Variants in SUB1 observed in about 807,000 individuals in gnomAD.
SUB1 encodes the protein SUB1 regulator of transcription.
SUB1 carries 1 observed loss-of-function variant against 16.9 expected under a neutral mutation model. The observed-to-expected ratio is 0.06, with a 90% CI of 0.02 to 0.28. The LOEUF (loss-of-function observed/expected upper bound fraction) is 0.28, where lower values mean the gene tolerates loss of function less well. Among genes scored for constraint, SUB1 ranks in the 10% least tolerant of loss-of-function variants. SUB1 has a pLI of 1.00. For synonymous variants in SUB1, 51 were observed against 46.9 expected, an observed-to-expected ratio of 1.09 and a Z score of -0.36; for missense variants, 84 against 145.2, an observed-to-expected ratio of 0.58 and a Z score of 2.16.
chr5:32,592,309 GGAAGCA>G (rs1738847956), intron 3 of SUB1, among the ~76,000 whole-genome samples: 1 of 151,428 alleles, frequency 6.6e-6, no homozygotes, highest in Non-Finnish European at 1.5e-5. Flanking sequence ...TTATGGGACA[GGAAGCA>G]GCAATGTGAC....
chr5:32,591,781 A>G (rs760098086), intron 3 of SUB1, 96 bp downstream of exon 3: 10 of 1,364,662 alleles, frequency 7.3e-6, no homozygotes, highest in Non-Finnish European at 7.7e-6. Flanking sequence ...GCTCACTGCA[A>G]CCTCAGCCTC....
rs1202411135 is a variant in SUB1, at chr5:32,602,068, C to T, written c.*984C>T. On this transcript the variant is annotated 3_prime_UTR_variant, in exon 5 of 5. Transcript: ENST00000265073. Reference sequence around the variant, plus strand: ...TATGGTTAGTTTGTAGGGAAAAGAGCATATGAGCACATGCTTGTGTATTTT... The same window carrying T: ...TATGGTTAGTTTGTAGGGAAAAGAGTATATGAGCACATGCTTGTGTATTTT... The T allele has an allele frequency of 3.4e-6, 1 of 298,142 alleles. No homozygotes were observed. Among genetic ancestry groups the T allele is most frequent in the Non-Finnish European group, 6.7e-6 (1 of 148,914 alleles). 18.5% of individuals were successfully genotyped at this position (298,142 alleles called of 1,614,324 possible). A position where few individuals can be genotyped will look rare whatever the true frequency, so the allele number is the denominator to read the frequency against.
At chr5:32,592,378 TA>T (rs140516937) in intron 3 of SUB1, among the ~76,000 whole-genome samples, 1 of 152,172 alleles carries the variant, frequency 6.6e-6, no homozygotes, top group Non-Finnish European at 1.5e-5. Flanking sequence ...GTTGAATAGA[TA>T]AAGTGAAGGA....
At chr5:32,588,816 T>A (rs1738741639) in intron 2 of SUB1, among the ~76,000 whole-genome samples, 2 of 151,946 alleles carry the variant, frequency 1.3e-5, no homozygotes, top group South Asian at 2.1e-4. Context: ...TTTAAAAAAA[T>A]AAATAAATAA....
chr5:32,598,948 GTTTC>G lies in SUB1; in HGVS notation c.196-9_196-6del, dbSNP rs767257547. 4.4e-6 allele frequency: 7 copies of G among 1,599,678 alleles called. No homozygotes were observed. In the Admixed American group the frequency reaches 1.2e-4, roughly 28 times the overall value. Reference sequence around the variant, plus strand: ...GAAAGGAGCACCTCTTTTTATGTTTGTTTCTTTTGCAGATTGGGAAAATGAGGTA... The same window carrying G: ...GAAAGGAGCACCTCTTTTTATGTTTGTTTTGCAGATTGGGAAAATGAGGTA... On this transcript the variant is annotated splice_polypyrimidine_tract_variant and intron_variant, in intron 3 of 4. Transcript: ENST00000265073.
chr5:32,586,362 C>G, intron 1 of SUB1: 1 of 152,204 alleles, frequency 6.6e-6, no homozygotes, highest in Non-Finnish European at 1.5e-5. Flanking sequence ...ATCTTTCCCT[C>G]AATCAGCAAA....
intron 2 of SUB1, 151 bp from the exon 3 acceptor site, chr5:32,591,412 T>A (rs1441655243): frequency 2.8e-6 from 3 of 1,073,824 alleles, no homozygotes; most frequent in Non-Finnish European, 3.8e-6. Flanking sequence ...ATTCATAGTT[T>A]TGTTGTTGAG....
Position 32,601,497 on chromosome 5 carries a change from C to T in SUB1, c.*413C>T, listed in dbSNP as rs1402773000. 6.4e-6 allele frequency: 1 copy of T among 157,106 alleles called. No individual in the cohort carries two copies. Among genetic ancestry groups the T allele is most frequent in the African/African-American group, 2.4e-5 (1 of 41,490 alleles). 9.7% of individuals were successfully genotyped at this position (157,106 alleles called of 1,614,324 possible). ...GTGAACTTCATATTTGATCTTTTCT[C>T]TTCCAATCAAATGTCTAGGCTTGTT... On this transcript the variant is annotated 3_prime_UTR_variant, in exon 5 of 5. Coordinates refer to ENST00000265073, the MANE Select transcript of SUB1 (RefSeq NM_006713.4).
At chr5:32,594,270 G>A (rs1159313533) in intron 3 of SUB1, among the ~76,000 whole-genome samples, 1 of 152,100 alleles carries the variant, frequency 6.6e-6, no homozygotes, top group Non-Finnish European at 1.5e-5. Flanking sequence ...TTCTTCCATA[G>A]GGATGTAGTC....
At chr5:32,599,994 CAT>C (rs1739076685) in intron 4 of SUB1, among the ~76,000 whole-genome samples, 1 of 152,174 alleles carries the variant, frequency 6.6e-6, no homozygotes, top group African/African-American at 2.4e-5. Flanking sequence ...ACTGGAAAGA[CAT>C]ATCTCACATT....
At chr5:32,596,634 A>G (rs921247503) in intron 3 of SUB1, 4 of 152,154 alleles carry the variant, frequency 2.6e-5, no homozygotes, top group Non-Finnish European at 4.4e-5. Flanking sequence ...TTTCAACACC[A>G]TTTGTTGAAA....
At chr5:32,599,266 T>C (rs1230025642) in intron 4 of SUB1, among the ~76,000 whole-genome samples, 197 bp downstream of exon 4, 1 of 152,178 alleles carries the variant, frequency 6.6e-6, no homozygotes, top group Non-Finnish European at 1.5e-5. Context: ...CTTTTGGGAA[T>C]AAAACCCAGA....
intron 3 of SUB1, 114 bp downstream of exon 3, chr5:32,591,799 C>G (rs1299965854): frequency 1.6e-6 from 2 of 1,255,780 alleles, no homozygotes; most frequent in African/African-American, 3.1e-5. Context: ...CTCCTGAGTT[C>G]AAGCAGTTCT....
In SUB1 at chr5:32,601,562, C is replaced by T. The variant is rs935194347; in HGVS notation, c.*478C>T. On this transcript the variant is annotated 3_prime_UTR_variant, in exon 5 of 5. Coordinates refer to ENST00000265073, the MANE Select transcript of SUB1 (RefSeq NM_006713.4). ...AATGGTTTTTCACTCTTTTTATTTACTTCATTTTCCTTTAATAACTTAATC... is the reference window on the plus strand; with the variant it reads ...AATGGTTTTTCACTCTTTTTATTTATTTCATTTTCCTTTAATAACTTAATC... 1.3e-5 allele frequency: 2 copies of T among 153,106 alleles called. No individual in the cohort carries two copies. The highest frequency in any genetic ancestry group is 4.8e-5 in the African/African-American group (2 of 41,564). The allele number at this position is 153,106 out of a possible 1,614,324, so 9.5% of individuals were successfully genotyped here.
rs70961652 is a variant in SUB1 at position 32,590,762 on chromosome 5, A to ATTTTT, written c.73-782_73-778dup. ...AGGCGTGTGCCACCACGCCTGGCTA[A>ATTTTT]TTTTTTTTTTTTTTTTTTTTTTTGA... On this transcript the variant is annotated intron_variant, in intron 2 of 4. Coordinates refer to ENST00000265073, the MANE Select transcript of SUB1 (RefSeq NM_006713.4). 2.8e-3 allele frequency among the ~76,000 whole-genome samples: 94 copies of ATTTTT among 33,966 alleles called. 14 individuals carry two copies. Among genetic ancestry groups the ATTTTT allele is most frequent in the African/African-American group, 9.1e-3 (85 of 9,368 alleles). 22.3% of individuals were successfully genotyped at this position (33,966 alleles called of 152,430 possible).
intron 1 of SUB1, among the ~76,000 whole-genome samples, chr5:32,586,972 T>C (rs1193128937): frequency 6.6e-6 from 1 of 152,254 alleles, no homozygotes; most frequent in African/African-American, 2.4e-5. Flanking sequence ...AAGTTTCATC[T>C]AGAGAGCTAG....
rs1383124899 is a variant in SUB1, at chr5:32,588,365, T to C, written c.-1-147T>C. The C allele has an allele frequency of 9.2e-6, 6 of 653,376 alleles. No individual in the cohort carries two copies. The East Asian group carries it at 1.7e-4, about 18-fold the overall frequency. The allele number at this position is 653,376 out of a possible 1,614,324, so 40.5% of individuals were successfully genotyped here. A position where few individuals can be genotyped will look rare whatever the true frequency, so the allele number is the denominator to read the frequency against. ...ACTTAAAAGGGTATAGATTAAAACTTGTGCTCAGTGTAACAACTCAGTACC... is the reference window on the plus strand; with the variant it reads ...ACTTAAAAGGGTATAGATTAAAACTCGTGCTCAGTGTAACAACTCAGTACC... On this transcript the variant is annotated intron_variant, in intron 1 of 4. Transcript: ENST00000265073.
In SUB1 at chr5:32,603,546, A is replaced by G. The variant is rs773028818; in HGVS notation, c.*2462A>G. The G allele has an allele frequency of 2.0e-5, 3 of 152,198 alleles. No homozygotes were observed. The highest frequency in any genetic ancestry group is 4.4e-5 in the Non-Finnish European group (3 of 68,010). The allele number at this position is 152,198 out of a possible 1,614,324, so 9.4% of individuals were successfully genotyped here. A position where few individuals can be genotyped will look rare whatever the true frequency, so the allele number is the denominator to read the frequency against. On this transcript the variant is annotated 3_prime_UTR_variant, in exon 5 of 5. Transcript: ENST00000265073. ...ATTTTACTTAAAGAACAACCACTACAAAAGAAAATCTTTGTAATTTGATTG... is the reference window on the plus strand; with the variant it reads ...ATTTTACTTAAAGAACAACCACTACGAAAGAAAATCTTTGTAATTTGATTG...
intron 3 of SUB1, chr5:32,597,235 AAC>A (rs1365110590): frequency 6.6e-6 from 1 of 152,208 alleles, no homozygotes; most frequent in Admixed American, 6.6e-5. Flanking sequence ...GCCATTAAAC[AAC>A]AGTTCCCCTT....
Sources: gnomAD v4.1 joint callset for allele counts (sites outside exome capture counted in the v4.1 genomes callset) on GRCh38, gnomAD v4.1.1 for gene constraint, MANE v1.5 for transcripts, NCBI Gene and HGNC (gene_info 2026-07-23, HGNC 2026-07-21) for gene names.